The following CFAP47 variants were observed in gnomAD, a reference collection of about 807,000 sequenced individuals.
The protein encoded by CFAP47 is cilia and flagella associated protein 47.
In CFAP47, 29 loss-of-function variants were observed where a neutral mutation model predicts 148.1. The observed-to-expected ratio is 0.20, with a 90% CI of 0.15 to 0.27. CFAP47 has a LOEUF of 0.27. Ranked by LOEUF, CFAP47 falls within the 10% of genes least tolerant of loss-of-function variation. The pLI is 1.00. For synonymous variants in CFAP47, 664 were observed against 577.3 expected (o/e 1.15, Z -2.15); for missense variants, 1,872 against 1,697.5 (o/e 1.10, Z -1.81).
At chrX:36,011,740 T>C (rs1937040422) in intron 21 of CFAP47, among the ~76,000 whole-genome samples, 1 of 111,854 alleles carries the variant, frequency 8.9e-6, no homozygotes, top group South Asian at 3.7e-4. Context: ...TCCTTGTAGA[T>C]TGTGGGTATT....
At chrX:36,263,490 T>C (rs1426657478) in intron 49 of CFAP47, among the ~76,000 whole-genome samples, 2 of 112,416 alleles carry the variant, frequency 1.8e-5, no homozygotes, top group African/African-American at 6.5e-5. Flanking sequence ...TTTCTACCCA[T>C]AGTTATTTGC....
chrX:36,363,732 T>C, intron 61 of CFAP47, among the ~76,000 whole-genome samples: 1 of 112,107 alleles, frequency 8.9e-6, no homozygotes, highest in South Asian at 3.7e-4. Context: ...CAACAGTGAA[T>C]ACTAGGTCAT....
In CFAP47 at chrX:36,376,798, C is replaced by T. The variant is rs368358715; in HGVS notation, c.9186-2552C>T. On this transcript the variant is annotated intron_variant, in intron 62 of 63. Transcript: ENST00000378653. Reference sequence around the variant, plus strand: ...CCTCCCCCCACCCCATGACAGGCTGCGGTGTGTGATGTTCCCCTTCCTGTG... The same window carrying T: ...CCTCCCCCCACCCCATGACAGGCTGTGGTGTGTGATGTTCCCCTTCCTGTG... Among the ~76,000 whole-genome samples the T allele has an allele frequency of 1.9e-4, 17 of 87,804 alleles. 1 individual carries two copies. In the East Asian group the frequency reaches 5.0e-3, roughly 26 times the overall value. The allele number at this position is 87,804 out of a possible 115,157, so 76.2% of individuals were successfully genotyped here. A position where few individuals can be genotyped will look rare whatever the true frequency, so the allele number is the denominator to read the frequency against.
intron 31 of CFAP47, 142 bp from the exon 32 acceptor site, chrX:36,099,609 A>G (rs1173762688): frequency 4.1e-5 from 14 of 345,172 alleles, no homozygotes; most frequent in Non-Finnish European, 5.2e-5. Context: ...ACCTGTGGTG[A>G]TATCTTCTAT....
At chrX:36,349,652 T>C (rs919238621) in intron 58 of CFAP47, among the ~76,000 whole-genome samples, 1 of 111,878 alleles carries the variant, frequency 8.9e-6, no homozygotes, top group Non-Finnish European at 1.9e-5. Context: ...TTAAGTAGTA[T>C]CCTCCAAAAG....
At chrX:36,216,851 G>T (rs782408464) in intron 45 of CFAP47, among the ~76,000 whole-genome samples, 9 of 111,543 alleles carry the variant, frequency 8.1e-5, no homozygotes, top group Non-Finnish European at 1.1e-4. Flanking sequence ...AATATCTCAA[G>T]CACTGATCTT....
At chrX:36,136,757 AAAGAG>A (rs1325563605) in intron 33 of CFAP47, among the ~76,000 whole-genome samples, 18 of 111,837 alleles carry the variant, frequency 1.6e-4, no homozygotes, top group African/African-American at 5.5e-4. Context: ...GCTGGACAAA[AAAGAG>A]AAGCACATGT....
chrX:36,218,933 T>C (rs781979845), intron 45 of CFAP47, among the ~76,000 whole-genome samples: 2 of 111,956 alleles, frequency 1.8e-5, no homozygotes, highest in Non-Finnish European at 3.8e-5. Context: ...CCTGGAAATC[T>C]GCTTGGAAAG....
intron 33 of CFAP47, among the ~76,000 whole-genome samples, chrX:36,124,125 G>T (rs1481760224): frequency 2.7e-5 from 3 of 111,590 alleles, no homozygotes; most frequent in African/African-American, 9.8e-5. Context: ...ACTCTGAAAA[G>T]TTCCTTATCC....
chrX:36,261,420 C>A (rs1940820974), intron 49 of CFAP47, among the ~76,000 whole-genome samples: 1 of 97,131 alleles, frequency 1.0e-5, no homozygotes, highest in Non-Finnish European at 2.0e-5. Context: ...GGAAGGTCAG[C>A]AGATAAACAA....
At chrX:36,235,429 G>T (rs1305089534) in intron 46 of CFAP47, among the ~76,000 whole-genome samples, 1 of 112,477 alleles carries the variant, frequency 8.9e-6, no homozygotes, top group Non-Finnish European at 1.9e-5. Flanking sequence ...AGCCAGGTGG[G>T]GGATATAATC....
At chrX:36,129,135 T>C (rs977704795) in intron 33 of CFAP47, among the ~76,000 whole-genome samples, 4 of 110,747 alleles carry the variant, frequency 3.6e-5, no homozygotes, top group Non-Finnish European at 5.7e-5. Context: ...TTAATCGTTA[T>C]AGGATTATTC....
At chrX:36,323,339 CT>C (rs782093263) in intron 57 of CFAP47, among the ~76,000 whole-genome samples, 75 of 102,900 alleles carry the variant, frequency 7.3e-4, no homozygotes, top group South Asian at 1.2e-3. Context: ...TTTCCTAGGC[CT>C]TTTTTTTTTT....
intron 57 of CFAP47, among the ~76,000 whole-genome samples, chrX:36,337,460 A>G (rs1941614985): frequency 8.9e-6 from 1 of 111,750 alleles, no homozygotes; most frequent in African/African-American, 3.3e-5. Context: ...GGTAGAGAGA[A>G]AGGGAGGTAG....
At chrX:36,251,091 T>G (rs1940685849) in intron 48 of CFAP47, among the ~76,000 whole-genome samples, 1 of 111,182 alleles carries the variant, frequency 9.0e-6, no homozygotes, top group African/African-American at 3.3e-5. Flanking sequence ...CATCATTTGT[T>G]TTGTAAGAAT....
chrX:36,066,707 G>T (rs1937645350), intron 27 of CFAP47, among the ~76,000 whole-genome samples: 1 of 111,825 alleles, frequency 8.9e-6, no homozygotes, highest in African/African-American at 3.3e-5. Context: ...GCTGCTTTGA[G>T]TGAGCATCTA....
rs1191221219 is a variant in CFAP47, at chrX:36,085,442, C to G, written c.4820C>G (p.Pro1607Arg). ...CTCCATTTGAGTGGAAAAATGCCAC[C>G]TGGAATTAATTCAAGTCAATCTTTA... is the stretch of plus-strand genomic sequence containing the variant. The part of the protein sequence containing the change: ...VLLHLSGKMP[P>R]GINSSQSLPV... Residue 1607 changes from proline (P) to arginine (R), a missense_variant, in exon 30 of 64, where the codon CCT becomes CGT. Coordinates refer to ENST00000378653, the MANE Select transcript of CFAP47 (RefSeq NM_001304548.2). 3 of 1,202,345 alleles carry G rather than the reference C, an allele frequency of 2.5e-6. No homozygotes were observed. The African/African-American group carries it at 5.3e-5, about 21-fold the overall frequency.
In CFAP47 at chrX:36,304,710, T is replaced by C. The variant is rs1039843559; in HGVS notation, c.8082+750T>C. 3.6e-5 allele frequency among the ~76,000 whole-genome samples: 4 copies of C among 111,261 alleles called. No homozygotes were observed. The East Asian group carries it at 1.1e-3, about 32-fold the overall frequency. ...CTCACCCCTGACACAGACACACACT[T>C]TGAGACAATGCTGACAACTCTAGCC... On this transcript the variant is annotated intron_variant, in intron 54 of 63. Coordinates refer to ENST00000378653, the MANE Select transcript of CFAP47 (RefSeq NM_001304548.2).
At chrX:36,077,204 TTTTTTTTTTTTTTTTTTTTG>T (rs1937879622) in intron 29 of CFAP47, among the ~76,000 whole-genome samples, 1 of 85,142 alleles carries the variant, frequency 1.2e-5, no homozygotes, top group African/African-American at 4.6e-5. Flanking sequence ...TTTTTTTTTT[TTTTTTTTTTTTTTTTTTTTG>T]CTCAGGAGTC....
Sources: allele counts gnomAD v4.1 joint callset (sites outside exome capture counted in the v4.1 genomes callset), GRCh38; gene constraint gnomAD v4.1.1; transcripts MANE v1.5; gene names NCBI Gene and HGNC (gene_info 2026-07-23, HGNC 2026-07-21).